Variants in CORO2A observed in about 807,000 individuals in gnomAD.
The protein encoded by CORO2A is coronin 2A, also known as coronin-2A.
Under a neutral mutation model 62.4 loss-of-function variants are expected in CORO2A, and 47 were observed. The observed-to-expected ratio is 0.75, with a 90% CI of 0.60 to 0.96. The LOEUF (loss-of-function observed/expected upper bound fraction) is 0.96. Among genes scored for constraint, CORO2A ranks in the 40% least tolerant of loss-of-function variants. The pLI is 0.00. For synonymous variants in CORO2A, 273 were observed against 268.9 expected (o/e 1.02, Z -0.15); for missense variants, 610 against 684.1 (o/e 0.89, Z 1.21).
intron 10 of CORO2A, among the ~76,000 whole-genome samples, chr9:98,127,817 CAAAAAAAAAAAAAAA>C (rs11342322): frequency 1.6e-3 from 78 of 49,056 alleles, no homozygotes; most frequent in African/African-American, 6.4e-3. Context: ...GACTCTGTCT[CAAAAAAAAAAAAAAA>C]AAAAAAAAAA....
At chr9:98,161,939 A>T (rs6478581) in intron 1 of CORO2A, among the ~76,000 whole-genome samples, 69,658 of 152,024 alleles carry the variant, frequency 0.46, 17,410 homozygotes, top group African/African-American at 0.65. Context: ...CTCTCCATCC[A>T]GGAGGAGTGA....
chr9:98,124,940 G>C (rs770080740), intron 11 of CORO2A, 35 bp from the exon 12 acceptor site: 6 of 1,550,526 alleles, frequency 3.9e-6, no homozygotes, highest in African/African-American at 1.4e-5. Flanking sequence ...GGATCACCAT[G>C]GTGTCAGGAC....
In CORO2A at chr9:98,124,726, A is replaced by C; in HGVS notation, c.*48T>G. ...TTGTGGTTTGGTTCTAAACCTCCCC[A>C]TGGAGCCGAGTGGTGTCCCTGAGGG... On this transcript the variant is annotated 3_prime_UTR_variant, in exon 12 of 12. Transcript: ENST00000375077. 2 of 1,534,928 alleles carry C rather than the reference A, an allele frequency of 1.3e-6. No homozygotes were observed. The highest frequency in any genetic ancestry group is 1.8e-6 in the Non-Finnish European group (2 of 1,136,680).
chr9:98,132,987 C>G (rs1265640300), intron 5 of CORO2A, 51 bp downstream of exon 5: 2 of 1,601,058 alleles, frequency 1.2e-6, no homozygotes, highest in East Asian at 2.2e-5. Flanking sequence ...TCTGTCCCCA[C>G]TCTGCTCCTT....
intron 2 of CORO2A, among the ~76,000 whole-genome samples, chr9:98,138,687 C>A (rs1827523170): frequency 6.6e-6 from 1 of 152,226 alleles, no homozygotes; most frequent in African/African-American, 2.4e-5. Context: ...GATGTGGTTT[C>A]ATTGCCTGAG....
chr9:98,181,334 C>CTT lies in CORO2A; in HGVS notation c.-1+11223_-1+11224dup, dbSNP rs575456152. Among the ~76,000 whole-genome samples the CTT allele has an allele frequency of 1.1e-3, 129 of 112,182 alleles. 2 individuals carry two copies. The highest frequency in any genetic ancestry group is 3.1e-3 in the African/African-American group (84 of 27,124). The allele number at this position is 112,182 out of a possible 152,430, so 73.6% of individuals were successfully genotyped here. A position where few individuals can be genotyped will look rare whatever the true frequency, so the allele number is the denominator to read the frequency against. On this transcript the variant is annotated intron_variant, in intron 1 of 11. Coordinates refer to ENST00000375077, the MANE Select transcript of CORO2A (RefSeq NM_052820.4). ...ACCTTCAAATCATCTCTCTCTCTTG[C>CTT]TTTTTTTTTTTTTTTTTTTTTTTAA...
At chr9:98,170,048 A>T (rs1828012449) in intron 1 of CORO2A, among the ~76,000 whole-genome samples, 1 of 152,266 alleles carries the variant, frequency 6.6e-6, no homozygotes, top group South Asian at 2.1e-4. Flanking sequence ...GTGCCGTAGC[A>T]TTAGAGTATC....
chr9:98,150,084 A>G (rs1827702762), intron 2 of CORO2A, among the ~76,000 whole-genome samples: 1 of 152,034 alleles, frequency 6.6e-6, no homozygotes, highest in Non-Finnish European at 1.5e-5. Flanking sequence ...GGTGGCTGCC[A>G]CCACGCCCAA....
At chr9:98,177,456 T>C (rs892422561) in intron 1 of CORO2A, among the ~76,000 whole-genome samples, 1 of 130,824 alleles carries the variant, frequency 7.6e-6, no homozygotes. Flanking sequence ...CTCCAAACTT[T>C]GTTTTTTTTT....
chr9:98,161,139 C>T lies in CORO2A; in HGVS notation c.1-3479G>A, dbSNP rs957700913. ...CCTGATTCATACAGCCTATGCAAGT[C>T]CGGCCCATGGAGATGGCAAGTGGCT... On this transcript the variant is annotated intron_variant, in intron 1 of 11. Coordinates refer to ENST00000375077, the MANE Select transcript of CORO2A (RefSeq NM_052820.4). Among the ~76,000 whole-genome samples, 6 of 152,288 alleles carry T rather than the reference C, an allele frequency of 3.9e-5. 1 individual carries two copies. The East Asian group carries it at 9.7e-4, about 24-fold the overall frequency.
chr9:98,132,434 G>A, intron 5 of CORO2A, 133 bp from the exon 6 acceptor site: 2 of 667,680 alleles, frequency 3.0e-6, no homozygotes, highest in East Asian at 2.7e-5. Flanking sequence ...AGCTCTGCCT[G>A]GAGATTCTTC....
chr9:98,158,858 C>T (rs1827843582), intron 1 of CORO2A, among the ~76,000 whole-genome samples: 2 of 150,516 alleles, frequency 1.3e-5, no homozygotes, highest in African/African-American at 4.9e-5. Context: ...CACACACACA[C>T]ACCATGTATA....
chr9:98,137,523 C>G (rs1025261761), intron 3 of CORO2A, 49 bp downstream of exon 3: 11 of 1,493,374 alleles, frequency 7.4e-6, no homozygotes, highest in African/African-American at 1.4e-5. Flanking sequence ...CCCAACCACC[C>G]CAATCCCACT....
At chr9:98,172,757 A>G (rs959371846) in intron 1 of CORO2A, 1 of 152,238 alleles carries the variant, frequency 6.6e-6, no homozygotes. Context: ...AGCTCCACCT[A>G]AATTGTTTGT....
chr9:98,157,749 G>A, intron 1 of CORO2A, 89 bp from the exon 2 acceptor site: 1 of 1,244,660 alleles, frequency 8.0e-7, no homozygotes, highest in Non-Finnish European at 1.1e-6. Context: ...TACATAAGAG[G>A]GTACGAGCAG....
chr9:98,166,676 C>T (rs553336805), intron 1 of CORO2A, among the ~76,000 whole-genome samples: 18 of 152,236 alleles, frequency 1.2e-4, no homozygotes, highest in African/African-American at 4.3e-4. Flanking sequence ...AATATACACC[C>T]TTAAAGAAAT....
At chr9:98,157,111 C>CT (rs769000953) in intron 2 of CORO2A, among the ~76,000 whole-genome samples, 21 of 152,106 alleles carry the variant, frequency 1.4e-4, no homozygotes, top group African/African-American at 4.8e-4. Flanking sequence ...GTTTGTTTCC[C>CT]TTTTTTTGGT....
At chr9:98,143,151 C>T (rs543001708) in intron 2 of CORO2A, among the ~76,000 whole-genome samples, 16 of 152,296 alleles carry the variant, frequency 1.1e-4, no homozygotes, top group Non-Finnish European at 2.1e-4. Flanking sequence ...TGGCTTGGGC[C>T]GCCCTGCCTG....
Position 98,128,647 on chromosome 9 carries a change from T to G in CORO2A, c.1040A>C (p.Lys347Thr). ...CATGGAGATGGGCTCGATGAGGCTT[T>G]TGGTTGTGATCAGCTTGTAGAAGCG... ...IFRFYKLITT[K>T]SLIEPISMIV... The change falls in exon 9 of 12, where the codon AAA becomes ACA. Residue 347 changes from lysine to threonine, a missense_variant. Coordinates refer to ENST00000375077, the MANE Select transcript of CORO2A (RefSeq NM_052820.4). 3 of 1,614,148 alleles carry G rather than the reference T, an allele frequency of 1.9e-6. No homozygotes were observed. In the South Asian group the frequency reaches 3.3e-5, roughly 18 times the overall value.
Sources: allele counts gnomAD v4.1 joint callset (sites outside exome capture counted in the v4.1 genomes callset), GRCh38; gene constraint gnomAD v4.1.1; transcripts MANE v1.5; gene names NCBI Gene and HGNC (gene_info 2026-07-23, HGNC 2026-07-21).